Variants in GPC3 observed in about 807,000 individuals in gnomAD.
GPC3 encodes the protein glypican 3.
A neutral mutation model predicts 34.4 loss-of-function variants in GPC3; 3 were observed. The ratio of observed to expected loss-of-function variants is 0.09; its 90% CI spans 0.04 to 0.23. The LOEUF is 0.23. Among genes scored for constraint, GPC3 ranks in the 10% least tolerant of loss-of-function variants. The pLI is 1.00. For synonymous variants in GPC3, 177 were observed against 174.0 expected, an observed-to-expected ratio of 1.02 and a Z score of -0.13; for missense variants, 351 against 445.6, an observed-to-expected ratio of 0.79 and a Z score of 1.91.
At chrX:133,841,186 T>C (rs73567065) in intron 2 of GPC3, among the ~76,000 whole-genome samples, 4,367 of 98,697 alleles carry the variant, frequency 0.044, 285 homozygotes, top group African/African-American at 0.15. Flanking sequence ...TGGGACCTAA[T>C]AGCACCACCA....
At chrX:133,548,571 G>A (rs1419500339) in intron 7 of GPC3, among the ~76,000 whole-genome samples, 2 of 111,715 alleles carry the variant, frequency 1.8e-5, no homozygotes, top group East Asian at 5.6e-4. Context: ...CAGCAGGCAG[G>A]TATCCTTATA....
intron 2 of GPC3, among the ~76,000 whole-genome samples, chrX:133,871,446 A>G (rs2075993508): frequency 8.9e-6 from 1 of 111,946 alleles, no homozygotes; most frequent in African/African-American, 3.2e-5. Flanking sequence ...CTTACCTTCT[A>G]TGTGAGAGAC....
At chrX:133,705,073 T>A (rs1383686151) in intron 3 of GPC3, among the ~76,000 whole-genome samples, 1 of 111,823 alleles carries the variant, frequency 8.9e-6, no homozygotes, top group African/African-American at 3.3e-5. Context: ...ATACCAACAC[T>A]TCACGTTTCT....
chrX:133,579,976 C>T (rs1302991495), intron 7 of GPC3, among the ~76,000 whole-genome samples: 1 of 112,643 alleles, frequency 8.9e-6, no homozygotes, highest in Non-Finnish European at 1.9e-5. Context: ...ATTACAGATA[C>T]AAGACTTTAC....
intron 1 of GPC3, among the ~76,000 whole-genome samples, chrX:133,965,170 A>ACCCCC (rs368195242): frequency 9.8e-6 from 1 of 102,436 alleles, no homozygotes; most frequent in African/African-American, 3.6e-5. Context: ...GAATGGTGTC[A>ACCCCC]CCCCCCCCCA....
intron 1 of GPC3, among the ~76,000 whole-genome samples, chrX:133,982,913 T>C (rs1351365698): frequency 4.4e-5 from 5 of 112,448 alleles, no homozygotes; most frequent in African/African-American, 1.6e-4. Flanking sequence ...TTTGAAATTA[T>C]ACACTTACCA....
chrX:133,752,115 G>A (rs2071673100), intron 3 of GPC3, among the ~76,000 whole-genome samples: 1 of 110,539 alleles, frequency 9.0e-6, no homozygotes, highest in African/African-American at 3.3e-5. Flanking sequence ...CAACCCTCCC[G>A]CCTAGGCATC....
intron 5 of GPC3, among the ~76,000 whole-genome samples, chrX:133,684,170 A>C (rs2070972972): frequency 8.9e-6 from 1 of 112,363 alleles, no homozygotes. Flanking sequence ...ACTCAGGCTA[A>C]CATAGCAGTT....
intron 2 of GPC3, among the ~76,000 whole-genome samples, chrX:133,759,689 G>C (rs906573849): frequency 3.6e-5 from 4 of 111,868 alleles, no homozygotes; most frequent in Non-Finnish European, 7.5e-5. Flanking sequence ...CTTGGTGACT[G>C]ACCTTAAGTT....
At chrX:133,738,531 A>G (rs2071532073) in intron 3 of GPC3, among the ~76,000 whole-genome samples, 1 of 112,017 alleles carries the variant, frequency 8.9e-6, no homozygotes, top group Non-Finnish European at 1.9e-5. Flanking sequence ...TGTAATAGAC[A>G]TCTATTCATT....
intron 1 of GPC3, among the ~76,000 whole-genome samples, chrX:133,971,990 G>T (rs998621494): frequency 8.9e-6 from 1 of 111,939 alleles, no homozygotes; most frequent in Admixed American, 9.5e-5. Context: ...GACTCTGAAT[G>T]ATTGAATAAA....
At chrX:133,883,739 C>G (rs1373361145) in intron 2 of GPC3, among the ~76,000 whole-genome samples, 2 of 111,807 alleles carry the variant, frequency 1.8e-5, no homozygotes, top group Non-Finnish European at 1.9e-5. Flanking sequence ...CCCCAGTACT[C>G]TACCCTTCTT....
At chrX:133,849,147 T>G (rs2075860801) in intron 2 of GPC3, among the ~76,000 whole-genome samples, 1 of 90,212 alleles carries the variant, frequency 1.1e-5, no homozygotes, top group African/African-American at 4.4e-5. Context: ...CAGGCTGGAG[T>G]GCAGTGGCGC....
intron 2 of GPC3, among the ~76,000 whole-genome samples, chrX:133,778,073 C>T (rs1339126743): frequency 8.9e-6 from 1 of 112,345 alleles, no homozygotes; most frequent in African/African-American, 3.2e-5. Context: ...CAAACCCCTG[C>T]TTTAAAAAGG....
intron 6 of GPC3, among the ~76,000 whole-genome samples, chrX:133,603,997 T>C (rs2124339299): frequency 9.0e-6 from 1 of 111,337 alleles, no homozygotes; most frequent in South Asian, 3.8e-4. Flanking sequence ...CCTCTTGGAA[T>C]TGTCTTGATT....
At chrX:133,733,798 T>A (rs2071484725) in intron 3 of GPC3, among the ~76,000 whole-genome samples, 1 of 111,350 alleles carries the variant, frequency 9.0e-6, no homozygotes, top group South Asian at 3.7e-4. Flanking sequence ...AGATGTGAAA[T>A]GTACAAATTC....
chrX:133,768,278 C>T lies in GPC3; in HGVS notation c.338-14102G>A, dbSNP rs184227824. Among the ~76,000 whole-genome samples, 464 of 111,500 alleles carry T rather than the reference C, an allele frequency of 4.2e-3. 3 individuals carry two copies. Among genetic ancestry groups the T allele is most frequent in the Non-Finnish European group, 5.3e-3 (279 of 53,095 alleles). ...AAGAATTCACTCTCCAGGAAGAGCT[C>T]GAGAGTAAGTAAAGATTGACTCCAT... On this transcript the variant is annotated intron_variant, in intron 2 of 7. Coordinates refer to ENST00000370818, the MANE Select transcript of GPC3 (RefSeq NM_004484.4).
chrX:133,858,842 G>A (rs962362284), intron 2 of GPC3, among the ~76,000 whole-genome samples: 1 of 111,293 alleles, frequency 9.0e-6, no homozygotes, highest in African/African-American at 3.3e-5. Context: ...AGCACTTTGG[G>A]AGGCCGAGGC....
At chrX:133,657,388 AG>A (rs1220243819) in intron 6 of GPC3, among the ~76,000 whole-genome samples, 1 of 111,912 alleles carries the variant, frequency 8.9e-6, no homozygotes. Context: ...CTCTCCATGC[AG>A]GAGCCTGGAG....
Sources: gnomAD v4.1 joint callset for allele counts (sites outside exome capture counted in the v4.1 genomes callset) on GRCh38, gnomAD v4.1.1 for gene constraint, MANE v1.5 for transcripts, NCBI Gene and HGNC (gene_info 2026-07-23, HGNC 2026-07-21) for gene names.